Variants in SRGAP2C observed in about 807,000 individuals in gnomAD.
The protein encoded by SRGAP2C is SLIT-ROBO Rho GTPase activating protein 2C, also known as SLIT-ROBO Rho GTPase-activating protein 2C.
Under a neutral mutation model 25.1 loss-of-function variants are expected in SRGAP2C, and 15 were observed. The observed-to-expected ratio is 0.60, with a 90% CI of 0.40 to 0.92. SRGAP2C has a LOEUF of 0.92. SRGAP2C is among the 40% of genes least tolerant of loss of function. SRGAP2C has a pLI of 0.00. For synonymous variants in SRGAP2C, 44 were observed against 96.6 expected, an observed-to-expected ratio of 0.46 and a Z score of 3.19; for missense variants, 144 against 264.4, an observed-to-expected ratio of 0.54 and a Z score of 3.16.
intron 5 of SRGAP2C, among the ~76,000 whole-genome samples, chr1:121,370,837 G>A (rs587599719): frequency 4.9e-4 from 73 of 149,364 alleles, no homozygotes; most frequent in African/African-American, 1.7e-3. Context: ...TATAAATCTG[G>A]CTGCTTCCTG....
intron 4 of SRGAP2C, among the ~76,000 whole-genome samples, chr1:121,355,357 A>C (rs1659041137): frequency 1.5e-5 from 1 of 66,186 alleles, no homozygotes; most frequent in Non-Finnish European, 2.5e-5. Context: ...TCGCTCTGTC[A>C]CCCAGGCTGG....
At chr1:121,186,473 TG>T (rs1553318916) in intron 1 of SRGAP2C, among the ~76,000 whole-genome samples, 1 of 107,704 alleles carries the variant, frequency 9.3e-6, no homozygotes, top group African/African-American at 3.4e-5. Context: ...GAAGAAAAGT[TG>T]TGCCCTGGTG....
intron 3 of SRGAP2C, among the ~76,000 whole-genome samples, chr1:121,295,497 A>G (rs1657574935): frequency 6.6e-6 from 1 of 151,704 alleles, no homozygotes; most frequent in Admixed American, 6.6e-5. Context: ...ATATCTTCTT[A>G]CCATGTGCCA....
chr1:121,306,108 T>C (rs1657830883), intron 3 of SRGAP2C, among the ~76,000 whole-genome samples: 1 of 152,164 alleles, frequency 6.6e-6, no homozygotes, highest in Non-Finnish European at 1.5e-5. Flanking sequence ...GGGACCTCTG[T>C]GTCTGTGGGT....
chr1:121,285,135 C>G lies in SRGAP2C; in HGVS notation c.260+140C>G. 6.2e-6 allele frequency: 3 copies of G among 487,286 alleles called. 1 individual carries two copies. The South Asian group carries it at 1.0e-4, about 17-fold the overall frequency. The allele number at this position is 487,286 out of a possible 1,614,324, so 30.2% of individuals were successfully genotyped here. ...TGGTTGAAAGCCCTCAAGGACTTCT[C>G]ATTTTCCAGATCAGTCTTATGTGCA... is the stretch of plus-strand genomic sequence containing the variant. On this transcript the variant is annotated intron_variant, in intron 3 of 9. Coordinates refer to ENST00000367123, the MANE Select transcript of SRGAP2C (RefSeq NM_001329984.2).
At chr1:121,363,145 CAG>C (rs1659241294) in intron 4 of SRGAP2C, among the ~76,000 whole-genome samples, 1 of 151,066 alleles carries the variant, frequency 6.6e-6, no homozygotes, top group South Asian at 2.1e-4. Flanking sequence ...AACAGAGGGC[CAG>C]AGAGGTTAAC....
At position 121,324,634 on chromosome 1, in the gene SRGAP2C, T is replaced by A; in HGVS notation, c.417T>A (p.Phe139Leu). 3.2e-6 allele frequency: 4 copies of A among 1,238,800 alleles called. No individual in the cohort carries two copies. The highest frequency in any genetic ancestry group is 4.7e-6 in the Non-Finnish European group (4 of 843,210). The allele number at this position is 1,238,800 out of a possible 1,614,324, so 76.7% of individuals were successfully genotyped here. Residue 139 changes from phenylalanine to leucine, a missense_variant, in exon 4 of 10, where the codon TTT becomes TTA. By Grantham distance (22) the Phe-to-Leu change is conservative. Coordinates refer to ENST00000367123, the MANE Select transcript of SRGAP2C (RefSeq NM_001329984.2). Reference sequence around the variant, plus strand: ...TCAGCGAGGACTCAGGAAGACTCTTTAAAAAGGTACAGAGATATTTCTAGT... The same window carrying A: ...TCAGCGAGGACTCAGGAAGACTCTTAAAAAAGGTACAGAGATATTTCTAGT... ...VQVSEDSGRL[F>L]KKSKEVGQQL... is the part of the protein sequence containing the mutation.
intron 2 of SRGAP2C, among the ~76,000 whole-genome samples, chr1:121,238,741 G>A (rs1326747684): frequency 6.7e-6 from 1 of 149,514 alleles, no homozygotes; most frequent in Non-Finnish European, 1.5e-5. Flanking sequence ...AGCCTGTTAA[G>A]TAGCAGGGAC....
rs1234945731 is a variant in SRGAP2C at position 121,362,321 on chromosome 1, C to T, written c.424-2972C>T. 6 of 143,706 alleles carry T rather than the reference C, an allele frequency of 4.2e-5. No individual in the cohort carries two copies. The East Asian group carries it at 1.3e-3, about 31-fold the overall frequency. 8.9% of individuals were successfully genotyped at this position (143,706 alleles called of 1,614,324 possible). ...CTGTATTGCACATTTTAAGTGGGCT[C>T]GCTACACATGTATTCCCAGCCCAAC... On this transcript the variant is annotated intron_variant, in intron 4 of 9. Coordinates refer to ENST00000367123, the MANE Select transcript of SRGAP2C (RefSeq NM_001329984.2).
intron 5 of SRGAP2C, among the ~76,000 whole-genome samples, chr1:121,370,955 T>C (rs1659471439): frequency 6.6e-6 from 1 of 151,728 alleles, no homozygotes; most frequent in Admixed American, 6.6e-5. Context: ...TATACCTAAA[T>C]GATAATCATT....
At chr1:121,306,879 C>T (rs1553339498) in intron 3 of SRGAP2C, among the ~76,000 whole-genome samples, 2 of 152,076 alleles carry the variant, frequency 1.3e-5, no homozygotes, top group African/African-American at 4.8e-5. Flanking sequence ...CTTATATACA[C>T]ATAAATAGCT....
At chr1:121,267,250 G>A (rs1553334476) in intron 2 of SRGAP2C, among the ~76,000 whole-genome samples, 1 of 150,984 alleles carries the variant, frequency 6.6e-6, no homozygotes, top group African/African-American at 2.5e-5. Flanking sequence ...CTGGAGTGCA[G>A]CGGTGTGATC....
chr1:121,339,346 G>A (rs1421012748), intron 4 of SRGAP2C, among the ~76,000 whole-genome samples: 1 of 150,662 alleles, frequency 6.6e-6, no homozygotes, highest in Admixed American at 6.6e-5. Flanking sequence ...CCGCCTCCCG[G>A]GTTCAAGTGA....
chr1:121,348,521 A>G (rs1658810801), intron 4 of SRGAP2C, among the ~76,000 whole-genome samples: 3 of 151,956 alleles, frequency 2.0e-5, no homozygotes, highest in Non-Finnish European at 1.5e-5. Context: ...TTTTTAACAG[A>G]TGGAATCACA....
intron 2 of SRGAP2C, among the ~76,000 whole-genome samples, chr1:121,190,996 CCTT>C (rs1553319664): frequency 6.6e-6 from 1 of 150,876 alleles, no homozygotes; most frequent in East Asian, 2.0e-4. Flanking sequence ...GGGTGTGCCT[CCTT>C]AGTCAACCTG....
intron 2 of SRGAP2C, among the ~76,000 whole-genome samples, chr1:121,212,095 G>A (rs1288435473): frequency 2.4e-5 from 3 of 125,408 alleles, no homozygotes; most frequent in Non-Finnish European, 4.9e-5. Flanking sequence ...TAACAAGACC[G>A]AGGAAGTCCC....
chr1:121,253,937 G>A (rs1186666054), intron 2 of SRGAP2C, among the ~76,000 whole-genome samples: 18 of 151,684 alleles, frequency 1.2e-4, no homozygotes, highest in Non-Finnish European at 2.1e-4. Context: ...TTTTTTGATG[G>A]AGTCTCACTC....
At chr1:121,255,163 C>A (rs1553332154) in intron 2 of SRGAP2C, among the ~76,000 whole-genome samples, 2 of 150,922 alleles carry the variant, frequency 1.3e-5, no homozygotes, top group East Asian at 2.0e-4. Flanking sequence ...CAGACTGACC[C>A]CAGAGCAACC....
chr1:121,279,061 G>C (rs1364653328), intron 2 of SRGAP2C, among the ~76,000 whole-genome samples: 1 of 151,910 alleles, frequency 6.6e-6, no homozygotes, highest in Non-Finnish European at 1.5e-5. Context: ...AAAAAGACTG[G>C]CAGTCAGACC....
Sources: allele counts gnomAD v4.1 joint callset (sites outside exome capture counted in the v4.1 genomes callset), GRCh38; gene constraint gnomAD v4.1.1; transcripts MANE v1.5; gene names NCBI Gene and HGNC (gene_info 2026-07-23, HGNC 2026-07-21).